Variants in DCC observed in about 807,000 individuals in gnomAD.
DCC encodes netrin receptor DCC.
In DCC, 58 loss-of-function variants were observed where a neutral mutation model predicts 172.5. The observed-to-expected ratio is 0.34, with a 90% CI of 0.27 to 0.42. DCC has a LOEUF of 0.42. Among genes scored for constraint, DCC ranks in the 10% least tolerant of loss-of-function variants. The probability of loss-of-function intolerance (pLI) is 1.00; values close to 1 mark genes in which losing one functional copy is unlikely to be tolerated. For missense variants in DCC, 1,740 were observed against 1,791.0 expected (o/e 0.97, Z 0.51); for synonymous variants, 709 against 644.5 (o/e 1.10, Z -1.52).
chr18:52,817,081 A>AT (rs1432837913), intron 2 of DCC, among the ~76,000 whole-genome samples: 5 of 152,300 alleles, frequency 3.3e-5, no homozygotes, highest in Admixed American at 3.3e-4. Flanking sequence ...TGACCATTAT[A>AT]TCCCTTGATC....
At chr18:52,664,368 T>A (rs1304655922) in intron 1 of DCC, among the ~76,000 whole-genome samples, 3 of 151,948 alleles carry the variant, frequency 2.0e-5, no homozygotes, top group Non-Finnish European at 4.4e-5. Context: ...TACATTTTTT[T>A]AAAACTCAAG....
intron 1 of DCC, among the ~76,000 whole-genome samples, chr18:52,616,551 A>G (rs2034385400): frequency 6.6e-6 from 1 of 152,096 alleles, no homozygotes; most frequent in Admixed American, 6.6e-5. Flanking sequence ...AGCCAATTAC[A>G]TTTGCATTTG....
chr18:52,621,504 C>T (rs889774619), intron 1 of DCC, among the ~76,000 whole-genome samples: 29 of 152,140 alleles, frequency 1.9e-4, no homozygotes, highest in African/African-American at 6.0e-4. Flanking sequence ...CCTTTCTACC[C>T]GGAGCTTACA....
chr18:52,647,452 C>A (rs1327649314), intron 1 of DCC, among the ~76,000 whole-genome samples: 1 of 152,174 alleles, frequency 6.6e-6, no homozygotes, highest in African/African-American at 2.4e-5. Flanking sequence ...CTGATCTGAC[C>A]TACTGCAGCA....
chr18:53,118,883 G>A (rs1047385323), intron 7 of DCC, among the ~76,000 whole-genome samples: 14 of 151,714 alleles, frequency 9.2e-5, no homozygotes, highest in African/African-American at 3.4e-4. Context: ...CACCCGTAAG[G>A]TAGAATGCTA....
intron 1 of DCC, among the ~76,000 whole-genome samples, chr18:52,525,826 A>G (rs1448093844): frequency 6.6e-6 from 1 of 152,208 alleles, no homozygotes; most frequent in Non-Finnish European, 1.5e-5. Flanking sequence ...GGAAAGATGG[A>G]AGCCAAAGAT....
At chr18:52,368,255 GTTTC>G (rs1368748532) in intron 1 of DCC, among the ~76,000 whole-genome samples, 11 of 151,984 alleles carry the variant, frequency 7.2e-5, no homozygotes, top group Non-Finnish European at 1.5e-4. Context: ...TATCCCCATT[GTTTC>G]TTTCTTTTTT....
intron 3 of DCC, among the ~76,000 whole-genome samples, chr18:52,907,353 A>C (rs1261132684): frequency 7.0e-6 from 1 of 142,474 alleles, no homozygotes; most frequent in Admixed American, 7.3e-5. Context: ...TATATCATGT[A>C]TATATGAATG....
intron 5 of DCC, among the ~76,000 whole-genome samples, chr18:53,024,163 G>A (rs986414706): frequency 7.9e-5 from 12 of 152,068 alleles, no homozygotes; most frequent in Admixed American, 2.6e-4. Context: ...AGCTCAGGAC[G>A]TTTAACTTTT....
rs1172397509 is a variant in DCC, at chr18:53,534,416, C to G, written c.*3763C>G. 6.6e-6 allele frequency: 1 copy of G among 152,206 alleles called. No homozygotes were observed. Among genetic ancestry groups the G allele is most frequent in the Non-Finnish European group, 1.5e-5 (1 of 68,040 alleles). The allele number at this position is 152,206 out of a possible 1,614,324, so 9.4% of individuals were successfully genotyped here. A position where few individuals can be genotyped will look rare whatever the true frequency, so the allele number is the denominator to read the frequency against. On this transcript the variant is annotated 3_prime_UTR_variant, in exon 29 of 29. Transcript: ENST00000442544. ...GTCCTGCAGGCCAGAGGTTACTATC[C>G]TAACCTGCTCATAACCATATACTAT...
intron 1 of DCC, among the ~76,000 whole-genome samples, chr18:52,432,106 T>C (rs759821032): frequency 6.6e-6 from 1 of 152,176 alleles, no homozygotes; most frequent in Non-Finnish European, 1.5e-5. Context: ...TTTGGTCTTG[T>C]TCAAGCTTTG....
chr18:52,498,576 A>G (rs531122870), intron 1 of DCC, among the ~76,000 whole-genome samples: 16 of 152,294 alleles, frequency 1.1e-4, no homozygotes, highest in Non-Finnish European at 2.2e-4. Context: ...GTGAGCCGAG[A>G]TCATGCCACT....
chr18:52,920,760 A>G (rs144749062), intron 3 of DCC, among the ~76,000 whole-genome samples: 2 of 152,300 alleles, frequency 1.3e-5, no homozygotes, highest in East Asian at 3.9e-4. Flanking sequence ...ATAATCACCA[A>G]AAACTGGAAG....
chr18:52,537,288 T>C (rs920228965), intron 1 of DCC, among the ~76,000 whole-genome samples: 4 of 152,200 alleles, frequency 2.6e-5, no homozygotes, highest in Non-Finnish European at 4.4e-5. Flanking sequence ...AAATCTCCTT[T>C]ATGATATATT....
intron 1 of DCC, among the ~76,000 whole-genome samples, chr18:52,614,689 C>A (rs935252447): frequency 6.6e-6 from 1 of 151,882 alleles, no homozygotes; most frequent in Non-Finnish European, 1.5e-5. Flanking sequence ...TTTTCCCTGT[C>A]AATAATAAAA....
At chr18:53,217,079 AC>A (rs1290831572) in intron 12 of DCC, among the ~76,000 whole-genome samples, 1 of 152,124 alleles carries the variant, frequency 6.6e-6, no homozygotes, top group African/African-American at 2.4e-5. Context: ...AAATTGATAT[AC>A]AAGCTATTTT....
intron 22 of DCC, among the ~76,000 whole-genome samples, chr18:53,440,865 TC>T (rs2145129672): frequency 1.3e-5 from 2 of 152,318 alleles, no homozygotes; most frequent in South Asian, 4.1e-4. Flanking sequence ...GTGTGACAAA[TC>T]AAGTCACTTA....
chr18:53,296,562 G>A (rs2057070446), intron 12 of DCC, among the ~76,000 whole-genome samples: 1 of 152,188 alleles, frequency 6.6e-6, no homozygotes, highest in African/African-American at 2.4e-5. Flanking sequence ...TGTGAGAGTA[G>A]AGGCTGGGGC....
intron 3 of DCC, among the ~76,000 whole-genome samples, chr18:52,915,579 C>G (rs1403324377): frequency 6.6e-6 from 1 of 152,052 alleles, no homozygotes; most frequent in Non-Finnish European, 1.5e-5. Flanking sequence ...TGATAGTTGA[C>G]TTTTTGTTTC....
Sources: allele counts gnomAD v4.1 joint callset (sites outside exome capture counted in the v4.1 genomes callset), GRCh38; gene constraint gnomAD v4.1.1; transcripts MANE v1.5; gene names NCBI Gene and HGNC (gene_info 2026-07-23, HGNC 2026-07-21).